PPP3CA: variants seen among roughly 807,000 people sequenced by gnomAD.
The protein encoded by PPP3CA is CAM-PRP catalytic subunit.
Under a neutral mutation model 66.5 loss-of-function variants are expected in PPP3CA, and 14 were observed. That is an observed-to-expected ratio of 0.21 (90% confidence interval 0.14 to 0.33). The LOEUF (loss-of-function observed/expected upper bound fraction) is 0.33. Ranked by LOEUF, PPP3CA falls within the 10% of genes least tolerant of loss-of-function variation. The pLI is 1.00. For synonymous variants in PPP3CA, 232 were observed against 226.2 expected (o/e 1.03, Z -0.23); for missense variants, 317 against 639.5 (o/e 0.50, Z 5.44).
At chr4:101,316,809 T>C (rs190915512) in intron 1 of PPP3CA, among the ~76,000 whole-genome samples, 3 of 152,328 alleles carry the variant, frequency 2.0e-5, no homozygotes, top group African/African-American at 7.2e-5. Flanking sequence ...CATCTGTAAG[T>C]TGAATGTAGT....
rs764297921 is a variant in PPP3CA, at chr4:101,093,955, T to C, written c.643-40A>G. 6 of 1,540,142 alleles carry C rather than the reference T, an allele frequency of 3.9e-6. 1 individual carries two copies. Among genetic ancestry groups the C allele is most frequent in the Admixed American group, 2.0e-5 (1 of 51,022 alleles). Reference sequence around the variant, plus strand: ...AGACAGAGAGCAAAATACTAATCTTTGGAAACTTAGAATTCTGACAATACA... The same window carrying C: ...AGACAGAGAGCAAAATACTAATCTTCGGAAACTTAGAATTCTGACAATACA... On this transcript the variant is annotated intron_variant, in intron 5 of 13. Transcript: ENST00000394854.
intron 1 of PPP3CA, among the ~76,000 whole-genome samples, chr4:101,329,635 G>T (rs981522206): frequency 4.6e-5 from 7 of 152,060 alleles, no homozygotes; most frequent in African/African-American, 1.7e-4. Flanking sequence ...CAAAGGACAG[G>T]CTGACTCTCT....
rs199820473 is a variant in PPP3CA, at chr4:101,277,424, T to TAAA, written c.58+69312_58+69314dup. 8.2e-3 allele frequency among the ~76,000 whole-genome samples: 1,249 copies of TAAA among 152,296 alleles called. 12 individuals are homozygous for TAAA. The highest frequency in any genetic ancestry group is 0.029 in the African/African-American group (1,192 of 41,558). On this transcript the variant is annotated intron_variant, in intron 1 of 13. Transcript: ENST00000394854. ...TAGGTAAATATCAAAAAACGCATTT[T>TAAA]AAAAATTTAGTAACAAAGTTAACAC...
At chr4:101,037,594 T>A (rs976856634) in intron 11 of PPP3CA, among the ~76,000 whole-genome samples, 8 of 152,206 alleles carry the variant, frequency 5.3e-5, no homozygotes, top group South Asian at 2.1e-4. Context: ...TTTTTTTTTT[T>A]AATTTACATT....
chr4:101,162,466 G>A (rs1263207113), intron 2 of PPP3CA, among the ~76,000 whole-genome samples: 3 of 151,760 alleles, frequency 2.0e-5, no homozygotes, highest in Admixed American at 2.0e-4. Context: ...GGAAGCAGAT[G>A]TTGCAGTGAG....
chr4:101,174,028 G>A (rs1223973029), intron 2 of PPP3CA, among the ~76,000 whole-genome samples: 6 of 151,794 alleles, frequency 4.0e-5, no homozygotes, highest in African/African-American at 7.3e-5. Context: ...CTCCAGCCCG[G>A]GCAACAGAAT....
intron 6 of PPP3CA, among the ~76,000 whole-genome samples, chr4:101,092,967 T>C (rs1730024843): frequency 6.6e-6 from 1 of 152,208 alleles, no homozygotes; most frequent in African/African-American, 2.4e-5. Flanking sequence ...TTTGGGTATA[T>C]ACCCAGTAAT....
intron 2 of PPP3CA, among the ~76,000 whole-genome samples, chr4:101,129,902 C>T (rs1722373055): frequency 6.6e-6 from 1 of 152,014 alleles, no homozygotes; most frequent in Non-Finnish European, 1.5e-5. Flanking sequence ...ATGAGTTTGA[C>T]CAATTGACAG....
rs139385977 is a variant in PPP3CA, at chr4:101,321,957, T to C, written c.58+24782A>G. Among the ~76,000 whole-genome samples, 184 of 152,316 alleles carry C rather than the reference T, an allele frequency of 1.2e-3. 1 individual carries two copies. The highest frequency in any genetic ancestry group is 4.4e-3 in the African/African-American group (181 of 41,568). ...TATAGTCATTTTCCCTACAGAAGGT[T>C]GGCCCTTTCCCTCAACTCCAATTAA... On this transcript the variant is annotated intron_variant, in intron 1 of 13. Coordinates refer to ENST00000394854, the MANE Select transcript of PPP3CA (RefSeq NM_000944.5).
intron 1 of PPP3CA, among the ~76,000 whole-genome samples, chr4:101,201,947 G>T (rs1724979075): frequency 6.6e-6 from 1 of 152,182 alleles, no homozygotes. Context: ...GGAGCAGGAA[G>T]AAATGGGCCA....
intron 1 of PPP3CA, among the ~76,000 whole-genome samples, chr4:101,257,525 T>C (rs1273965919): frequency 2.0e-5 from 3 of 151,950 alleles, no homozygotes; most frequent in Non-Finnish European, 2.9e-5. Flanking sequence ...ATATTTAAAG[T>C]ATTTATCATA....
chr4:101,153,137 T>C (rs1045554316), intron 2 of PPP3CA, among the ~76,000 whole-genome samples: 13 of 152,210 alleles, frequency 8.5e-5, no homozygotes, highest in Middle Eastern at 3.4e-3. Flanking sequence ...GGTAGGACGG[T>C]AAAGTGTTTG....
intron 2 of PPP3CA, among the ~76,000 whole-genome samples, chr4:101,169,735 G>GT (rs1300594584): frequency 4.3e-5 from 3 of 70,104 alleles, no homozygotes; most frequent in Admixed American, 1.7e-4. Context: ...AGAAGTAAAT[G>GT]CCTTTTTTTT....
chr4:101,086,106 A>T (rs192643409), intron 6 of PPP3CA, among the ~76,000 whole-genome samples: 26 of 152,268 alleles, frequency 1.7e-4, no homozygotes, highest in South Asian at 4.1e-4. Context: ...AAATATTTTT[A>T]AAAAATTACT....
intron 1 of PPP3CA, among the ~76,000 whole-genome samples, chr4:101,346,324 C>A (rs1374512936): frequency 6.6e-6 from 1 of 152,120 alleles, no homozygotes; most frequent in Non-Finnish European, 1.5e-5. Flanking sequence ...CCATCAATCA[C>A]CCCTCCCTCT....
intron 1 of PPP3CA, among the ~76,000 whole-genome samples, chr4:101,218,527 C>CT (rs1160044658): frequency 2.0e-5 from 3 of 151,978 alleles, no homozygotes; most frequent in Non-Finnish European, 4.4e-5. Context: ...TTTCCCATAG[C>CT]TCTCACCATA....
At chr4:101,227,510 G>C (rs1445862400) in intron 1 of PPP3CA, among the ~76,000 whole-genome samples, 5 of 151,640 alleles carry the variant, frequency 3.3e-5, no homozygotes, top group Non-Finnish European at 7.4e-5. Context: ...TCACACTAGT[G>C]GTGCTTAGAG....
chr4:101,062,516 T>C (rs192946039), intron 9 of PPP3CA, among the ~76,000 whole-genome samples: 2 of 151,954 alleles, frequency 1.3e-5, no homozygotes, highest in South Asian at 2.1e-4. Flanking sequence ...AGAAGATACA[T>C]GAGAATCAAT....
At position 101,162,875 on chromosome 4, in the gene PPP3CA, T is replaced by C. The variant is rs552999331; in HGVS notation, c.259+33041A>G. ...AACCTTAATTGTCAGTCAGCATTTA[T>C]TACCACACTCTTCTATACTCTCTCT... On this transcript the variant is annotated intron_variant, in intron 2 of 13. Coordinates refer to ENST00000394854, the MANE Select transcript of PPP3CA (RefSeq NM_000944.5). Among the ~76,000 whole-genome samples the C allele has an allele frequency of 2.0e-3, 301 of 152,282 alleles. 1 individual carries two copies. Among genetic ancestry groups the C allele is most frequent in the South Asian group, 8.9e-3 (43 of 4,830 alleles).
Sources: allele counts gnomAD v4.1 joint callset (sites outside exome capture counted in the v4.1 genomes callset), GRCh38; gene constraint gnomAD v4.1.1; transcripts MANE v1.5; gene names NCBI Gene and HGNC (gene_info 2026-07-23, HGNC 2026-07-21).